The following SNAP25 variants were observed in gnomAD, a reference collection of about 807,000 sequenced individuals.
SNAP25 encodes synaptosomal-associated protein 25.
A neutral mutation model predicts 28.7 loss-of-function variants in SNAP25; 3 were observed. The observed-to-expected ratio is 0.10, with a 90% confidence interval of 0.05 to 0.27. The LOEUF (loss-of-function observed/expected upper bound fraction) is 0.27, where lower values mean the gene tolerates loss of function less well. Ranked by LOEUF, SNAP25 falls within the 10% of genes least tolerant of loss-of-function variation. SNAP25 has a pLI of 1.00. For synonymous variants in SNAP25, 61 were observed against 88.1 expected, an observed-to-expected ratio of 0.69 and a Z score of 1.72; for missense variants, 117 against 278.7, an observed-to-expected ratio of 0.42 and a Z score of 4.13.
At chr20:10,224,255 G>GTTTTTTTTTTT (rs1438577018) in intron 1 of SNAP25, among the ~76,000 whole-genome samples, 1 of 24,034 alleles carries the variant, frequency 4.2e-5, no homozygotes, top group Admixed American at 4.4e-4. Context: ...GAATGTACAT[G>GTTTTTTTTTTT]TCTTTTTTTT....
rs1371474673 is a variant in SNAP25, at chr20:10,284,783, A to G, written c.163+11A>G. The G allele has an allele frequency of 2.5e-6, 4 of 1,606,188 alleles. No individual in the cohort carries two copies. The highest frequency in any genetic ancestry group is 3.4e-6 in the Non-Finnish European group (4 of 1,173,090). ...TGGATGAACAAGGAGGTAAGTTCAG[A>G]TTTCTTCAGTAAGAACAATTCCTCT... On this transcript the variant is annotated intron_variant, in intron 4 of 7. Coordinates refer to ENST00000254976, the MANE Select transcript of SNAP25 (RefSeq NM_130811.4).
intron 1 of SNAP25, among the ~76,000 whole-genome samples, chr20:10,274,891 A>T (rs1197651466): frequency 6.6e-6 from 1 of 152,032 alleles, no homozygotes; most frequent in African/African-American, 2.4e-5. Flanking sequence ...GGGCATAGAC[A>T]TGTGGGATAG....
At chr20:10,294,043 A>G (rs1206318329) in intron 5 of SNAP25, among the ~76,000 whole-genome samples, 7 of 152,238 alleles carry the variant, frequency 4.6e-5, no homozygotes, top group Admixed American at 3.3e-4. Flanking sequence ...AAGGTTTGCA[A>G]TGGAAGGAAC....
chr20:10,235,565 T>G (rs2062903854), intron 1 of SNAP25, among the ~76,000 whole-genome samples: 1 of 152,204 alleles, frequency 6.6e-6, no homozygotes, highest in Non-Finnish European at 1.5e-5. Context: ...CCACATGTCA[T>G]CCAGGTCCAG....
chr20:10,287,601 C>T (rs1240625778), intron 4 of SNAP25, among the ~76,000 whole-genome samples: 5 of 136,958 alleles, frequency 3.7e-5, no homozygotes, highest in Admixed American at 7.5e-5. Flanking sequence ...GTCAGTGTGG[C>T]GATTCCTCAG....
chr20:10,237,262 G>A (rs550429290), intron 1 of SNAP25, among the ~76,000 whole-genome samples: 3 of 152,266 alleles, frequency 2.0e-5, no homozygotes, highest in Non-Finnish European at 4.4e-5. Flanking sequence ...AACCTGAAAG[G>A]CAAGGAAGCT....
At chr20:10,277,542 A>C (rs2063711758) in intron 2 of SNAP25, 143 bp from the exon 3 acceptor site, 1 of 656,278 alleles carries the variant, frequency 1.5e-6, no homozygotes, top group African/African-American at 1.8e-5. Context: ...ATGTAATGAC[A>C]TTTTTTGTTT....
intron 1 of SNAP25, among the ~76,000 whole-genome samples, chr20:10,255,192 G>A (rs151227515): frequency 6.6e-6 from 1 of 152,326 alleles, no homozygotes; most frequent in African/African-American, 2.4e-5. Flanking sequence ...GGTTGTGACA[G>A]CCAACCTGCC....
At chr20:10,239,956 C>G (rs879767063) in intron 1 of SNAP25, among the ~76,000 whole-genome samples, 2 of 152,162 alleles carry the variant, frequency 1.3e-5, no homozygotes, top group Non-Finnish European at 2.9e-5. Flanking sequence ...TACTGCAACC[C>G]CAGTGACTTA....
intron 7 of SNAP25, among the ~76,000 whole-genome samples, chr20:10,299,626 T>C (rs1360589606): frequency 6.6e-6 from 1 of 152,124 alleles, no homozygotes; most frequent in Non-Finnish European, 1.5e-5. Flanking sequence ...CAGCAAATAT[T>C]CTCAAAGGCT....
intron 1 of SNAP25, among the ~76,000 whole-genome samples, chr20:10,230,518 G>T (rs1417516341): frequency 6.6e-6 from 1 of 152,100 alleles, no homozygotes; most frequent in Non-Finnish European, 1.5e-5. Flanking sequence ...GCATCACCCA[G>T]GATTTTGTTT....
intron 1 of SNAP25, among the ~76,000 whole-genome samples, chr20:10,258,693 G>C (rs928475409): frequency 6.6e-6 from 1 of 152,182 alleles, no homozygotes; most frequent in African/African-American, 2.4e-5. Context: ...GGTAGTTACA[G>C]TCACAGTAGT....
intron 1 of SNAP25, among the ~76,000 whole-genome samples, chr20:10,267,725 T>C (rs938417379): frequency 1.3e-5 from 2 of 152,300 alleles, no homozygotes; most frequent in African/African-American, 4.8e-5. Context: ...CTAATTTTTG[T>C]ATTTTTAGTA....
Position 10,277,570 on chromosome 20 carries a change from G to A in SNAP25, c.73-115G>A, listed in dbSNP as rs1362764811. On this transcript the variant is annotated intron_variant, in intron 2 of 7. Transcript: ENST00000254976. ...TTTTGTTTCACTTGCCAACTGAAAAGAATATGTGACAGAGACCCTTTGTGT... is the reference window on the plus strand; with the variant it reads ...TTTTGTTTCACTTGCCAACTGAAAAAAATATGTGACAGAGACCCTTTGTGT... 4.7e-6 allele frequency: 4 copies of A among 852,084 alleles called. No homozygotes were observed. In the East Asian group the frequency reaches 1.1e-4, roughly 23 times the overall value. 52.8% of individuals were successfully genotyped at this position (852,084 alleles called of 1,614,324 possible). A position where few individuals can be genotyped will look rare whatever the true frequency, so the allele number is the denominator to read the frequency against.
chr20:10,240,268 G>A (rs1424892452), intron 1 of SNAP25, among the ~76,000 whole-genome samples: 2 of 152,136 alleles, frequency 1.3e-5, no homozygotes, highest in Non-Finnish European at 2.9e-5. Flanking sequence ...CCCAGCAGAA[G>A]AATCTCTCTC....
intron 1 of SNAP25, among the ~76,000 whole-genome samples, chr20:10,266,637 A>G (rs1290108946): frequency 6.6e-6 from 1 of 152,234 alleles, no homozygotes; most frequent in Non-Finnish European, 1.5e-5. Context: ...AGGTTGTGCA[A>G]TATGAATAAC....
At chr20:10,292,034 A>T (rs2064009433) in intron 4 of SNAP25, among the ~76,000 whole-genome samples, 1 of 152,192 alleles carries the variant, frequency 6.6e-6, no homozygotes, top group Admixed American at 6.5e-5. Flanking sequence ...AGATACACTA[A>T]GGTCAGCTAT....
At chr20:10,291,768 A>C (rs564345911) in intron 4 of SNAP25, among the ~76,000 whole-genome samples, 3 of 152,292 alleles carry the variant, frequency 2.0e-5, no homozygotes, top group Admixed American at 1.3e-4. Flanking sequence ...TTATTCCAGG[A>C]GGCACAGGCA....
chr20:10,240,367 A>C (rs1336014245), intron 1 of SNAP25, among the ~76,000 whole-genome samples: 1 of 152,178 alleles, frequency 6.6e-6, no homozygotes, highest in Non-Finnish European at 1.5e-5. Context: ...TTATCTCAAA[A>C]TCAAGTGATT....
Sources: gnomAD v4.1 joint callset for allele counts (sites outside exome capture counted in the v4.1 genomes callset) on GRCh38, gnomAD v4.1.1 for gene constraint, MANE v1.5 for transcripts, NCBI Gene and HGNC (gene_info 2026-07-23, HGNC 2026-07-21) for gene names.